Variants in COL5A2 observed in about 807,000 individuals in gnomAD.
COL5A2 encodes collagen alpha-2(V) chain.
COL5A2 carries 23 observed loss-of-function variants against 208.2 expected under a neutral mutation model. The ratio of observed to expected loss-of-function variants is 0.11; its 90% CI spans 0.08 to 0.16. The LOEUF (loss-of-function observed/expected upper bound fraction) is 0.16. Ranked by LOEUF, COL5A2 falls within the 10% of genes least tolerant of loss-of-function variation. The pLI is 1.00. For missense variants in COL5A2, 1,590 were observed against 1,956.4 expected, an observed-to-expected ratio of 0.81 and a Z score of 3.53; for synonymous variants, 625 against 628.5, an observed-to-expected ratio of 0.99 and a Z score of 0.08.
the COL5A2 span, among the ~76,000 whole-genome samples, chr2:189,291,481 C>T: frequency 6.6e-6 from 1 of 151,990 alleles, no homozygotes; most frequent in South Asian, 2.1e-4. Flanking sequence ...GTTTTACTCC[C>T]TTATAGTTGA....
chr2:189,325,970 G>A, the COL5A2 span, among the ~76,000 whole-genome samples: 5 of 151,820 alleles, frequency 3.3e-5, no homozygotes, highest in African/African-American at 7.3e-5. Flanking sequence ...AGTGGCACAC[G>A]CCTGTAATCC....
intron 1 of COL5A2, among the ~76,000 whole-genome samples, chr2:189,222,692 C>A (rs183239663): frequency 3.3e-5 from 5 of 152,120 alleles, no homozygotes; most frequent in African/African-American, 1.2e-4. Context: ...GCTTGACTCC[C>A]GGCCATTGGA....
intron 1 of COL5A2, among the ~76,000 whole-genome samples, chr2:189,217,488 T>C (rs1415972205): frequency 6.6e-6 from 1 of 152,172 alleles, no homozygotes; most frequent in African/African-American, 2.4e-5. Flanking sequence ...ACACTTACTT[T>C]TGATTTAGTG....
At chr2:189,034,614 A>T (rs1293225683) in intron 53 of COL5A2, among the ~76,000 whole-genome samples, 1 of 152,184 alleles carries the variant, frequency 6.6e-6, no homozygotes, top group African/African-American at 2.4e-5. Flanking sequence ...GAAATAAGGA[A>T]TTTTAAGCAT....
intron 12 of COL5A2, among the ~76,000 whole-genome samples, chr2:189,081,976 T>C (rs1380854995): frequency 6.6e-6 from 1 of 152,238 alleles, no homozygotes; most frequent in Non-Finnish European, 1.5e-5. Flanking sequence ...CTTGATAGCA[T>C]TGATTGATGT....
At chr2:189,195,932 C>T (rs377287323) in intron 1 of COL5A2, among the ~76,000 whole-genome samples, 8 of 152,138 alleles carry the variant, frequency 5.3e-5, no homozygotes, top group South Asian at 4.1e-4. Context: ...AAAACAATTG[C>T]GACAAAAGCA....
the COL5A2 span, among the ~76,000 whole-genome samples, chr2:189,285,670 G>C: frequency 6.6e-6 from 1 of 152,076 alleles, no homozygotes; most frequent in Non-Finnish European, 1.5e-5. Context: ...TTCTGATCAG[G>C]AACAATATCA....
At chr2:189,234,657 C>G in the COL5A2 span, among the ~76,000 whole-genome samples, 1 of 151,788 alleles carries the variant, frequency 6.6e-6, no homozygotes, top group South Asian at 2.1e-4. Flanking sequence ...GTGAAGAGCA[C>G]AGGACCTAGA....
intron 1 of COL5A2, among the ~76,000 whole-genome samples, chr2:189,186,170 A>T (rs2105839877): frequency 6.6e-6 from 1 of 151,700 alleles, no homozygotes; most frequent in East Asian, 1.9e-4. Flanking sequence ...ATTTTTTTTT[A>T]ACATTTTTGT....
chr2:189,046,311 T>C (rs576942918), intron 45 of COL5A2, among the ~76,000 whole-genome samples: 83 of 152,328 alleles, frequency 5.4e-4, no homozygotes, highest in African/African-American at 1.9e-3. Flanking sequence ...CTTCTAGATT[T>C]TCCTCTCCTT....
At chr2:189,241,861 G>A in the COL5A2 span, among the ~76,000 whole-genome samples, 2 of 152,076 alleles carry the variant, frequency 1.3e-5, no homozygotes, top group African/African-American at 4.8e-5. Context: ...ATTTGCACTG[G>A]TACTTTGCTG....
the COL5A2 span, among the ~76,000 whole-genome samples, chr2:189,319,970 C>T: frequency 6.6e-6 from 1 of 152,216 alleles, no homozygotes; most frequent in Non-Finnish European, 1.5e-5. Context: ...GACAAAACCT[C>T]CAGAGGAATG....
chr2:189,210,991 C>T (rs1178857029), intron 1 of COL5A2, among the ~76,000 whole-genome samples: 1 of 151,998 alleles, frequency 6.6e-6, no homozygotes, highest in African/African-American at 2.4e-5. Flanking sequence ...CCCTTTATCG[C>T]CATTAGCAAT....
chr2:189,434,749 G>T, the COL5A2 span, among the ~76,000 whole-genome samples: 3 of 152,114 alleles, frequency 2.0e-5, no homozygotes, highest in African/African-American at 4.8e-5. Context: ...TGGCCATACT[G>T]CCCAAGGTAA....
the COL5A2 span, among the ~76,000 whole-genome samples, chr2:189,406,124 G>C: frequency 6.6e-6 from 1 of 152,056 alleles, no homozygotes; most frequent in Non-Finnish European, 1.5e-5. Flanking sequence ...CTAAGTGAAT[G>C]ACTAATAAAA....
chr2:189,035,798 C>A (rs73981489), intron 52 of COL5A2, among the ~76,000 whole-genome samples: 1 of 151,750 alleles, frequency 6.6e-6, no homozygotes, highest in Non-Finnish European at 1.5e-5. Context: ...TTATTCTGAA[C>A]GTGATTTCTA....
At chr2:189,067,414 C>T (rs1004105106) in intron 21 of COL5A2, among the ~76,000 whole-genome samples, 9 of 152,028 alleles carry the variant, frequency 5.9e-5, no homozygotes, top group Admixed American at 6.5e-5. Context: ...ATCAGCATGA[C>T]CACATTACTT....
At chr2:189,374,865 T>C in the COL5A2 span, among the ~76,000 whole-genome samples, 13 of 152,172 alleles carry the variant, frequency 8.5e-5, no homozygotes, top group Non-Finnish European at 1.9e-4. Flanking sequence ...TATGGATCTC[T>C]TTAAAAATAC....
chr2:189,057,106 G>T, intron 34 of COL5A2, 80 bp from the exon 35 acceptor site: 1 of 1,455,072 alleles, frequency 6.9e-7, no homozygotes, highest in Non-Finnish European at 9.7e-7. Context: ...TGAGAGTGAA[G>T]GCTAATTGTC....
Sources: gnomAD v4.1 joint callset for allele counts (sites outside exome capture counted in the v4.1 genomes callset) on GRCh38, gnomAD v4.1.1 for gene constraint, MANE v1.5 for transcripts, NCBI Gene and HGNC (gene_info 2026-07-23, HGNC 2026-07-21) for gene names.